SLC17A1: variants seen among roughly 807,000 people sequenced by gnomAD.
SLC17A1 encodes solute carrier family 17 member 1.
SLC17A1 carries 51 observed loss-of-function variants against 53.5 expected under a neutral mutation model. That is an observed-to-expected ratio of 0.95 (90% CI 0.76 to 1.20). The LOEUF (loss-of-function observed/expected upper bound fraction) is 1.20. Among genes scored for constraint, SLC17A1 ranks in the 50% most tolerant of loss-of-function variants. The pLI is 0.00. For missense variants in SLC17A1, 538 were observed against 568.2 expected (o/e 0.95, Z 0.54); for synonymous variants, 179 against 198.8 (o/e 0.90, Z 0.84).
At chr6:25,803,652 T>C (rs188408457) in intron 10 of SLC17A1, among the ~76,000 whole-genome samples, 2 of 152,174 alleles carry the variant, frequency 1.3e-5, no homozygotes, top group Admixed American at 6.5e-5. Flanking sequence ...AGTGGTGAGA[T>C]TTTGAGCTCA....
chr6:25,798,726 C>T, intron 12 of SLC17A1, 57 bp downstream of exon 12: 1 of 1,516,550 alleles, frequency 6.6e-7, no homozygotes, highest in African/African-American at 1.4e-5. Context: ...ATCCTTATCT[C>T]CTCTGTCTCC....
chr6:25,759,311 T>C, the SLC17A1 span, among the ~76,000 whole-genome samples: 1 of 152,194 alleles, frequency 6.6e-6, no homozygotes, highest in Non-Finnish European at 1.5e-5. Flanking sequence ...ATCTGTTAAG[T>C]CTATTTGTTC....
the SLC17A1 span, among the ~76,000 whole-genome samples, chr6:25,742,967 C>T: frequency 6.6e-6 from 1 of 152,072 alleles, no homozygotes; most frequent in Non-Finnish European, 1.5e-5. Flanking sequence ...CAAGGTTGTA[C>T]ATGCAGATTA....
the SLC17A1 span, among the ~76,000 whole-genome samples, chr6:25,736,324 A>G: frequency 2.6e-5 from 4 of 152,138 alleles, no homozygotes; most frequent in South Asian, 8.3e-4. Flanking sequence ...TCGGCTTGAC[A>G]CAATAAAAAC....
chr6:25,807,361 A>C (rs546185685), intron 10 of SLC17A1, among the ~76,000 whole-genome samples: 15 of 152,306 alleles, frequency 9.8e-5, no homozygotes, highest in African/African-American at 3.6e-4. Context: ...AGCCATTAAA[A>C]AGAAGGAAAT....
At chr6:25,808,926 A>G (rs535726147) in intron 10 of SLC17A1, among the ~76,000 whole-genome samples, 13 of 152,214 alleles carry the variant, frequency 8.5e-5, no homozygotes, top group South Asian at 4.1e-4. Flanking sequence ...AAAAGATATT[A>G]TTGTATCAAA....
intron 12 of SLC17A1, among the ~76,000 whole-genome samples, chr6:25,793,427 ACAT>A (rs1248427687): frequency 6.6e-6 from 1 of 152,212 alleles, no homozygotes; most frequent in Non-Finnish European, 1.5e-5. Context: ...AAAGAGAGGC[ACAT>A]TATTTTTTAT....
chr6:25,727,814 C>T, the SLC17A1 span, among the ~76,000 whole-genome samples: 1 of 151,660 alleles, frequency 6.6e-6, no homozygotes, highest in Non-Finnish European at 1.5e-5. Context: ...GGTTAAGAGA[C>T]GGAGACCATC....
chr6:25,770,869 A>C, the SLC17A1 span: 1 of 1,344,070 alleles, frequency 7.4e-7, no homozygotes, highest in Non-Finnish European at 1.1e-6. Flanking sequence ...TGTAGAAAGC[A>C]CATAGAGCCC....
chr6:25,808,796 G>A (rs947341410), intron 10 of SLC17A1, among the ~76,000 whole-genome samples: 2 of 152,034 alleles, frequency 1.3e-5, no homozygotes, highest in African/African-American at 4.8e-5. Flanking sequence ...CTTATACACT[G>A]TTAGTGGAAA....
chr6:25,749,469 T>C, the SLC17A1 span, among the ~76,000 whole-genome samples: 1 of 150,416 alleles, frequency 6.6e-6, no homozygotes, highest in South Asian at 2.2e-4. Flanking sequence ...CTCTTTTTCT[T>C]TTCCCTACAA....
At chr6:25,725,645 A>C in the SLC17A1 span, among the ~76,000 whole-genome samples, 1 of 152,144 alleles carries the variant, frequency 6.6e-6, no homozygotes, top group African/African-American at 2.4e-5. Flanking sequence ...CCCAGACTGG[A>C]GTGCAGTGGA....
intron 3 of SLC17A1, among the ~76,000 whole-genome samples, chr6:25,823,568 T>C (rs1263155216): frequency 6.6e-6 from 1 of 152,124 alleles, no homozygotes; most frequent in Non-Finnish European, 1.5e-5. Flanking sequence ...TGTCAAATGA[T>C]ATACAGCATC....
the SLC17A1 span, among the ~76,000 whole-genome samples, chr6:25,765,081 G>A: frequency 6.6e-6 from 1 of 152,314 alleles, no homozygotes; most frequent in Non-Finnish European, 1.5e-5. Context: ...TTCAAAATGT[G>A]AGAACAAAGT....
chr6:25,805,549 G>A (rs1763922748), intron 10 of SLC17A1, among the ~76,000 whole-genome samples: 1 of 151,968 alleles, frequency 6.6e-6, no homozygotes, highest in Non-Finnish European at 1.5e-5. Context: ...AGATGAAATT[G>A]AAAGAATCAC....
rs1238632198 is a variant in SLC17A1 at position 25,783,034 on chromosome 6, C to T, written c.*187G>A. On this transcript the variant is annotated 3_prime_UTR_variant, in exon 13 of 13. Coordinates refer to ENST00000244527, the MANE Select transcript of SLC17A1 (RefSeq NM_005074.5). Reference sequence around the variant, plus strand: ...TAAAATTCAGATATATTACATGTTACAAACAACACATGTTAAAAAACGATG... The same window carrying T: ...TAAAATTCAGATATATTACATGTTATAAACAACACATGTTAAAAAACGATG... 2 of 152,102 alleles carry T rather than the reference C, an allele frequency of 1.3e-5. No homozygotes were observed. Among genetic ancestry groups the T allele is most frequent in the Non-Finnish European group, 2.9e-5 (2 of 68,020 alleles). 9.4% of individuals were successfully genotyped at this position (152,102 alleles called of 1,614,324 possible). A position where few individuals can be genotyped will look rare whatever the true frequency, so the allele number is the denominator to read the frequency against.
the SLC17A1 span, among the ~76,000 whole-genome samples, chr6:25,731,595 A>G: frequency 2.3e-3 from 343 of 152,356 alleles, 1 homozygote; most frequent in African/African-American, 7.5e-3. Context: ...TGGGGCAGAT[A>G]CAGTTGATTA....
At chr6:25,775,298 C>T in the SLC17A1 span, among the ~76,000 whole-genome samples, 1 of 150,442 alleles carries the variant, frequency 6.6e-6, no homozygotes, top group South Asian at 2.1e-4. Context: ...TGACATTGCA[C>T]TCCAGCCTGG....
At chr6:25,788,702 C>A (rs903690427) in intron 12 of SLC17A1, among the ~76,000 whole-genome samples, 2 of 151,814 alleles carry the variant, frequency 1.3e-5, no homozygotes, top group Non-Finnish European at 2.9e-5. Flanking sequence ...GTCAGGGAAT[C>A]AGAGCATGGG....
Sources: gnomAD v4.1 joint callset for allele counts (sites outside exome capture counted in the v4.1 genomes callset) on GRCh38, gnomAD v4.1.1 for gene constraint, MANE v1.5 for transcripts, NCBI Gene and HGNC (gene_info 2026-07-23, HGNC 2026-07-21) for gene names.